Variants in WDTC1 observed in about 807,000 individuals in gnomAD.
The protein encoded by WDTC1 is WD and tetratricopeptide repeats 1.
WDTC1 carries 12 observed loss-of-function variants against 76.0 expected under a neutral mutation model. The ratio of observed to expected loss-of-function variants is 0.16; its 90% confidence interval spans 0.10 to 0.26. WDTC1 has a LOEUF of 0.26. Ranked by LOEUF, WDTC1 falls within the 10% of genes least tolerant of loss-of-function variation. The pLI, the probability that WDTC1 is intolerant of heterozygous loss-of-function variation, is 1.00. For missense variants in WDTC1, 511 were observed against 908.8 expected (o/e 0.56, Z 5.63); for synonymous variants, 326 against 350.8 (o/e 0.93, Z 0.79).
chr1:27,293,107 A>T (rs901464829), intron 7 of WDTC1, among the ~76,000 whole-genome samples: 29 of 151,564 alleles, frequency 1.9e-4, no homozygotes, highest in Admixed American at 1.4e-3. Context: ...TTTTTAAAAA[A>T]CTTAATCCTC....
chr1:27,234,441 C>T (rs950200115), upstream of WDTC1: 3 of 238,754 alleles, frequency 1.3e-5, no homozygotes, highest in Non-Finnish European at 2.4e-5. Flanking sequence ...CCATTGGCCA[C>T]GGCGGTGCGG....
chr1:27,294,134 T>C lies in WDTC1; in HGVS notation c.757+18T>C. On this transcript the variant is annotated intron_variant, in intron 8 of 15. Transcript: ENST00000319394. ...CGTAGCAGGTAGCGCTCAGCACAGC[T>C]CTGGCCCCAAACTCTCGGCTAGATG... is the stretch of plus-strand genomic sequence containing the variant. 2 of 1,611,120 alleles carry C rather than the reference T, an allele frequency of 1.2e-6. No individual in the cohort carries two copies. The highest frequency in any genetic ancestry group is 2.2e-5 in the South Asian group (2 of 90,796).
chr1:27,288,186 G>A (rs192323522), intron 6 of WDTC1, among the ~76,000 whole-genome samples: 10 of 151,912 alleles, frequency 6.6e-5, no homozygotes, highest in African/African-American at 1.9e-4. Context: ...TTCCCATGTC[G>A]GACTCTTTCT....
chr1:27,305,205 G>A lies in WDTC1; in HGVS notation c.1836+12G>A. 6.2e-7 allele frequency: 1 copy of A among 1,611,280 alleles called. No homozygotes were observed. Among genetic ancestry groups the A allele is most frequent in the Non-Finnish European group, 8.5e-7 (1 of 1,178,922 alleles). Reference sequence around the variant, plus strand: ...ACCCCCGACCAGAGGTGAGGGTGCAGAGCCAAGCAGAGAGGAGGGCAGGGA... The same window carrying A: ...ACCCCCGACCAGAGGTGAGGGTGCAAAGCCAAGCAGAGAGGAGGGCAGGGA... On this transcript the variant is annotated intron_variant, in intron 15 of 15. Coordinates refer to ENST00000319394, the MANE Select transcript of WDTC1 (RefSeq NM_001276252.2). The surrounding 1 kb of genome is among the most constrained non-coding windows in gnomAD (Gnocchi z 4.6).
chr1:27,259,999 T>G (rs922761314), intron 1 of WDTC1, among the ~76,000 whole-genome samples: 2 of 152,172 alleles, frequency 1.3e-5, no homozygotes, highest in Admixed American at 6.5e-5. Flanking sequence ...ATCATGCCAC[T>G]GCACTGCAGC....
intron 2 of WDTC1, among the ~76,000 whole-genome samples, chr1:27,262,120 G>A (rs1363990920): frequency 6.6e-6 from 1 of 151,716 alleles, no homozygotes; most frequent in Non-Finnish European, 1.5e-5. Context: ...TAGTAGAGAC[G>A]GGGTTTCACC....
chr1:27,248,040 A>G (rs1204014681), intron 1 of WDTC1, among the ~76,000 whole-genome samples: 1 of 152,180 alleles, frequency 6.6e-6, no homozygotes, highest in East Asian at 1.9e-4. Context: ...TCTTTATCCC[A>G]TCTGCTGTTG....
chr1:27,258,850 A>C (rs572875660), intron 1 of WDTC1, among the ~76,000 whole-genome samples: 2 of 152,340 alleles, frequency 1.3e-5, no homozygotes, highest in African/African-American at 2.4e-5. Flanking sequence ...GAGATTGAAA[A>C]GTAGCCCTGT....
chr1:27,250,870 T>A lies in WDTC1; in HGVS notation c.-99-10086T>A, dbSNP rs528384418. ...CGAGCTGTTAATTGACTTGTTTTTT[T>A]TTTTTTTCTTTTTTGAGACAGAGTC... On this transcript the variant is annotated intron_variant, in intron 1 of 15. Coordinates refer to ENST00000319394, the MANE Select transcript of WDTC1 (RefSeq NM_001276252.2). 5.3e-5 allele frequency among the ~76,000 whole-genome samples: 8 copies of A among 150,386 alleles called. No individual in the cohort carries two copies. In the East Asian group the frequency reaches 1.6e-3, roughly 29 times the overall value.
intron 14 of WDTC1, chr1:27,304,435 C>T (rs2013905300): frequency 6.5e-6 from 1 of 154,550 alleles, no homozygotes; most frequent in Non-Finnish European, 1.4e-5. Flanking sequence ...CATAGACCCC[C>T]ATCTCTACAA....
At chr1:27,304,875 C>A in intron 14 of WDTC1, 126 bp from the exon 15 acceptor site, 2 of 970,476 alleles carry the variant, frequency 2.1e-6, no homozygotes, top group Non-Finnish European at 3.0e-6. Context: ...AGTGCACACC[C>A]CAGCGTGTGG....
chr1:27,304,911 T>G, intron 14 of WDTC1, 90 bp from the exon 15 acceptor site: 1 of 1,346,836 alleles, frequency 7.4e-7, no homozygotes, highest in Non-Finnish European at 1.0e-6. Context: ...CAGACTTCCT[T>G]GCTCCCCCTT....
At chr1:27,272,115 G>A (rs984481679) in intron 3 of WDTC1, among the ~76,000 whole-genome samples, 13 of 151,476 alleles carry the variant, frequency 8.6e-5, no homozygotes, top group African/African-American at 3.1e-4. Context: ...GCGAGGTGGT[G>A]CACGCCTGTA....
intron 14 of WDTC1, chr1:27,304,015 A>G (rs2013894646): frequency 1.8e-6 from 1 of 554,056 alleles, no homozygotes; most frequent in African/African-American, 2.0e-5. Flanking sequence ...GACTAATAAG[A>G]TAACCCAAGT....
intron 1 of WDTC1, among the ~76,000 whole-genome samples, chr1:27,251,541 G>A (rs1375154319): frequency 1.3e-5 from 2 of 152,170 alleles, no homozygotes; most frequent in South Asian, 2.1e-4. Context: ...CCTTTGGGCC[G>A]GAGCACAGTG....
chr1:27,257,432 C>T (rs943211781), intron 1 of WDTC1, among the ~76,000 whole-genome samples: 39 of 152,132 alleles, frequency 2.6e-4, no homozygotes, highest in African/African-American at 9.2e-4. Context: ...ACCAGATATA[C>T]TCACTTCTTT....
chr1:27,280,980 A>T (rs1274598758), intron 3 of WDTC1, among the ~76,000 whole-genome samples: 2 of 150,126 alleles, frequency 1.3e-5, no homozygotes, highest in Non-Finnish European at 3.0e-5. Flanking sequence ...ATTTTATTTT[A>T]TTTTTGAGAC....
rs2011620579 is a variant in WDTC1, at chr1:27,241,120, AT to A, written c.-100+6174del. Among the ~76,000 whole-genome samples, 3 of 152,122 alleles carry A rather than the reference AT, an allele frequency of 2.0e-5. No homozygotes were observed. In the South Asian group the frequency reaches 6.2e-4, roughly 32 times the overall value. ...GCCAGATTTGAGGGTCACCGTTGGCATTTTTGTATTTATTATCTTCTTTTAG... is the reference window on the plus strand; with the variant it reads ...GCCAGATTTGAGGGTCACCGTTGGCATTTTGTATTTATTATCTTCTTTTAG... On this transcript the variant is annotated intron_variant, in intron 1 of 15. Coordinates refer to ENST00000319394, the MANE Select transcript of WDTC1 (RefSeq NM_001276252.2).
chr1:27,276,882 A>AT (rs2013044774), intron 3 of WDTC1, among the ~76,000 whole-genome samples: 2 of 151,874 alleles, frequency 1.3e-5, no homozygotes, highest in Admixed American at 6.6e-5. Context: ...TGCTTCACTC[A>AT]TTTTTTAATT....
Sources: gnomAD v4.1 joint callset for allele counts (sites outside exome capture counted in the v4.1 genomes callset) on GRCh38, gnomAD v4.1.1 for gene constraint, Gnocchi (gnomAD v3.1) non-coding constraint, MANE v1.5 for transcripts, NCBI Gene and HGNC (gene_info 2026-07-23, HGNC 2026-07-21) for gene names.